ACSF2: variants seen among roughly 807,000 people sequenced by gnomAD.
ACSF2 encodes the protein acyl-CoA synthetase family member 2.
A neutral mutation model predicts 79.3 loss-of-function variants in ACSF2; 52 were observed. The observed-to-expected ratio is 0.66, with a 90% CI of 0.53 to 0.83. ACSF2 has a LOEUF of 0.83. Among genes scored for constraint, ACSF2 ranks in the 40% least tolerant of loss-of-function variants. ACSF2 has a pLI of 0.00. For missense variants in ACSF2, 661 were observed against 803.3 expected, an observed-to-expected ratio of 0.82 and a Z score of 2.14; for synonymous variants, 283 against 312.6, an observed-to-expected ratio of 0.91 and a Z score of 1.00.
At chr17:50,459,462 C>T (rs906129333) in intron 1 of ACSF2, among the ~76,000 whole-genome samples, 3 of 152,190 alleles carry the variant, frequency 2.0e-5, no homozygotes, top group Non-Finnish European at 2.9e-5. Flanking sequence ...AGGCTGATCT[C>T]GAACTCCTGG....
intron 1 of ACSF2, among the ~76,000 whole-genome samples, chr17:50,444,510 G>A (rs957662621): frequency 1.3e-5 from 2 of 151,810 alleles, no homozygotes; most frequent in African/African-American, 2.4e-5. Context: ...AGCTGAGATC[G>A]CACCACTGCA....
At position 50,473,898 on chromosome 17, in the gene ACSF2, T is replaced by A. The variant is rs1436607613; in HGVS notation, c.1622T>A (p.Val541Glu). The change falls in exon 14 of 16, where the codon GTG (valine) becomes GAG (glutamate). Residue 541 changes from valine (V) to glutamate (E), a missense_variant. Transcript: ENST00000300441. ...ATTTTTCTTTGGCCCTGGAAGGTGG[T>A]GGGAGTGAAGGACGATCGGATGGGG... ...THPKVQEVQV[V>E]GVKDDRMGEE... The A allele has an allele frequency of 6.3e-7, 1 of 1,598,216 alleles. No individual in the cohort carries two copies. Among genetic ancestry groups the A allele is most frequent in the Non-Finnish European group, 8.6e-7 (1 of 1,169,524 alleles).
intron 1 of ACSF2, chr17:50,450,500 CA>C (rs5820813): frequency 0.34 from 43,042 of 125,356 alleles, 6,104 homozygotes; most frequent in African/African-American, 0.36. Context: ...TACTTTGTCT[CA>C]AAAAAAAAAA....
At chr17:50,432,039 A>G (rs1446604130) in intron 1 of ACSF2, among the ~76,000 whole-genome samples, 1 of 152,028 alleles carries the variant, frequency 6.6e-6, no homozygotes, top group Non-Finnish European at 1.5e-5. Flanking sequence ...AGCTGGGACT[A>G]CAGGCCTGCG....
At chr17:50,436,976 TTCAGAC>T (rs1017870874) in intron 1 of ACSF2, among the ~76,000 whole-genome samples, 25 of 152,280 alleles carry the variant, frequency 1.6e-4, no homozygotes, top group African/African-American at 6.0e-4. Flanking sequence ...CTATTACAGG[TTCAGAC>T]TCAGCAGTTC....
chr17:50,449,780 T>C (rs2031553046), intron 1 of ACSF2, among the ~76,000 whole-genome samples: 1 of 152,172 alleles, frequency 6.6e-6, no homozygotes, highest in African/African-American at 2.4e-5. Context: ...TTTACCATCT[T>C]AACTATTGAA....
chr17:50,429,515 C>A (rs560571964), intron 1 of ACSF2, among the ~76,000 whole-genome samples: 1 of 145,808 alleles, frequency 6.9e-6, no homozygotes, highest in African/African-American at 2.8e-5. Context: ...GAGTCTTTCT[C>A]TTTTTCTTTT....
intron 10 of ACSF2, among the ~76,000 whole-genome samples, chr17:50,466,288 A>G (rs764185112): frequency 1.3e-5 from 2 of 151,812 alleles, no homozygotes; most frequent in African/African-American, 2.4e-5. Context: ...ACGCAGTTTC[A>G]CCATGTTAGC....
chr17:50,446,820 A>T (rs1461029939), intron 1 of ACSF2, among the ~76,000 whole-genome samples: 3 of 152,264 alleles, frequency 2.0e-5, no homozygotes, highest in Non-Finnish European at 4.4e-5. Context: ...ATTGCTGGGC[A>T]TAATCATAGT....
intron 9 of ACSF2, 139 bp from the exon 10 acceptor site, chr17:50,464,079 A>G (rs1429921967): frequency 2.6e-5 from 32 of 1,228,456 alleles, no homozygotes; most frequent in Non-Finnish European, 3.8e-5. Flanking sequence ...ACACCAGCCC[A>G]GGGCCAGCTG....
At chr17:50,467,504 A>G (rs1056674468) in intron 10 of ACSF2, among the ~76,000 whole-genome samples, 2 of 152,140 alleles carry the variant, frequency 1.3e-5, no homozygotes, top group African/African-American at 2.4e-5. Flanking sequence ...TGGGGCATGG[A>G]GAATGTCTTC....
rs748634138 is a variant in ACSF2 at position 50,463,475 on chromosome 17, G to A, written c.969G>A (p.Leu323=). 4 of 1,614,050 alleles carry A rather than the reference G, an allele frequency of 2.5e-6. No individual in the cohort carries two copies. The South Asian group carries it at 4.4e-5, about 18-fold the overall frequency. ...CCGTGGCAGGCACAATGATGTGTCT[G>A]ATGTACGGTGCCACCCTCATCCTGG... ...LGSVAGTMMC[L]MYGATLILAS... is the part of the protein sequence containing the mutation. The change falls in exon 8 of 16, where the codon CTG becomes CTA. Residue 323 remains leucine (L), a synonymous_variant. Coordinates refer to ENST00000300441, the MANE Select transcript of ACSF2 (RefSeq NM_025149.6). The surrounding 1 kb of genome is among the most constrained non-coding windows in gnomAD (Gnocchi z 4.6).
chr17:50,456,689 G>C (rs1370276748), intron 1 of ACSF2, among the ~76,000 whole-genome samples: 1 of 151,676 alleles, frequency 6.6e-6, no homozygotes, highest in African/African-American at 2.4e-5. Context: ...CCGAGATCAC[G>C]CCATTGCACT....
intron 1 of ACSF2, among the ~76,000 whole-genome samples, chr17:50,435,524 C>T (rs1473011495): frequency 1.3e-5 from 2 of 152,000 alleles, no homozygotes; most frequent in African/African-American, 2.4e-5. Context: ...GATCCTCCTG[C>T]CTCAGCCTTC....
chr17:50,459,174 G>A (rs117236536), intron 1 of ACSF2, among the ~76,000 whole-genome samples: 3,084 of 152,314 alleles, frequency 0.02, 54 homozygotes, highest in Non-Finnish European at 0.032. Context: ...TATGGAATAG[G>A]CAAGGCAGTC....
chr17:50,473,527 G>A, intron 12 of ACSF2, 138 bp from the exon 13 acceptor site: 1 of 1,213,346 alleles, frequency 8.2e-7, no homozygotes, highest in Non-Finnish European at 1.2e-6. Context: ...CAGAGACTGT[G>A]TCTTGTTCCT....
Position 50,466,048 on chromosome 17 carries a change from C to G in ACSF2, c.1215+1754C>G, listed in dbSNP as rs562043855. On this transcript the variant is annotated intron_variant, in intron 10 of 15. Coordinates refer to ENST00000300441, the MANE Select transcript of ACSF2 (RefSeq NM_025149.6). The stretch of plus-strand genomic sequence containing the variant: ...TCAGATAATCCAATCTACACAACCC[C>G]CTTTGAGACAGATGGTGTTATTTTC... Among the ~76,000 whole-genome samples the G allele has an allele frequency of 1.6e-4, 24 of 152,048 alleles. No individual in the cohort carries two copies. The East Asian group carries it at 1.7e-3, about 11-fold the overall frequency.
Position 50,451,043 on chromosome 17 carries a change from C to T in ACSF2, c.129-9634C>T, listed in dbSNP as rs528086541. Among the ~76,000 whole-genome samples the T allele has an allele frequency of 3.3e-5, 5 of 152,304 alleles. No homozygotes were observed. The South Asian group carries it at 8.3e-4, about 25-fold the overall frequency. On this transcript the variant is annotated intron_variant, in intron 1 of 15. Transcript: ENST00000300441. Reference sequence around the variant, plus strand: ...GACCTCTCAGGCTCAAGTGATCCTTCAGAGTAGCTAGGCCTCCGGAGTAGC... The same window carrying T: ...GACCTCTCAGGCTCAAGTGATCCTTTAGAGTAGCTAGGCCTCCGGAGTAGC...
chr17:50,452,939 G>A (rs1222657086), intron 1 of ACSF2, among the ~76,000 whole-genome samples: 1 of 152,122 alleles, frequency 6.6e-6, no homozygotes, highest in Non-Finnish European at 1.5e-5. Context: ...AGAAATTGTG[G>A]AATAATAAAA....
Sources: allele counts gnomAD v4.1 joint callset (sites outside exome capture counted in the v4.1 genomes callset), GRCh38; gene constraint gnomAD v4.1.1; non-coding constraint Gnocchi (gnomAD v3.1); transcripts MANE v1.5; gene names NCBI Gene and HGNC (gene_info 2026-07-23, HGNC 2026-07-21).